The following MCC variants were observed in gnomAD, a reference collection of about 807,000 sequenced individuals.
The protein encoded by MCC is colorectal mutant cancer protein.
MCC carries 90 observed loss-of-function variants against 116.2 expected under a neutral mutation model. That is an observed-to-expected ratio of 0.77 (90% CI 0.65 to 0.92). MCC has a LOEUF of 0.92. Ranked by LOEUF, MCC falls within the 40% of genes least tolerant of loss-of-function variation. The pLI is 0.00. For synonymous variants in MCC, 578 were observed against 510.5 expected (o/e 1.13, Z -1.78); for missense variants, 1,516 against 1,312.2 (o/e 1.16, Z -2.40).
At chr5:113,207,452 T>G (rs144940525) in intron 3 of MCC, among the ~76,000 whole-genome samples, 1 of 13,152 alleles carries the variant, frequency 7.6e-5, no homozygotes, top group Non-Finnish European at 1.5e-4. Flanking sequence ...TCCTCCATCG[T>G]GGAGGGTGGG....
chr5:113,289,732 T>C (rs561541405), intron 3 of MCC, among the ~76,000 whole-genome samples: 7 of 152,224 alleles, frequency 4.6e-5, no homozygotes, highest in Non-Finnish European at 8.8e-5. Flanking sequence ...AAGTAGATCC[T>C]CTTGCTCTAG....
intron 6 of MCC, among the ~76,000 whole-genome samples, chr5:113,121,683 T>TA (rs1360069511): frequency 2.0e-5 from 3 of 152,220 alleles, no homozygotes; most frequent in African/African-American, 7.2e-5. Context: ...AATATTTGAT[T>TA]AAAATCCCTC....
chr5:113,487,175 A>G (rs1219616371), intron 1 of MCC, among the ~76,000 whole-genome samples: 1 of 151,966 alleles, frequency 6.6e-6, no homozygotes, highest in Non-Finnish European at 1.5e-5. Context: ...ATTTTAAGGG[A>G]AAAATTCCGC....
At chr5:113,139,517 T>C (rs1161590489) in intron 5 of MCC, among the ~76,000 whole-genome samples, 2 of 152,132 alleles carry the variant, frequency 1.3e-5, no homozygotes, top group African/African-American at 4.8e-5. Context: ...TCATCATCAC[T>C]GGTCATTAGA....
intron 3 of MCC, among the ~76,000 whole-genome samples, chr5:113,299,231 T>C (rs1766789290): frequency 7.4e-6 from 1 of 135,732 alleles, no homozygotes; most frequent in Admixed American, 8.1e-5. Context: ...GAGGTTGCAG[T>C]GAACCGAGCC....
At chr5:113,401,544 G>A (rs1341529595) in intron 1 of MCC, among the ~76,000 whole-genome samples, 1 of 152,084 alleles carries the variant, frequency 6.6e-6, no homozygotes. Context: ...TCATTTAGCA[G>A]CCTTCTCAGT....
intron 3 of MCC, among the ~76,000 whole-genome samples, chr5:113,329,401 C>G (rs962972873): frequency 6.9e-6 from 1 of 144,286 alleles, no homozygotes; most frequent in Non-Finnish European, 1.5e-5. Flanking sequence ...CACACACACA[C>G]AGAAACATAT....
At chr5:113,478,099 G>A (rs1772281298) in intron 1 of MCC, among the ~76,000 whole-genome samples, 2 of 152,166 alleles carry the variant, frequency 1.3e-5, no homozygotes, top group South Asian at 4.1e-4. Flanking sequence ...CCACTTTTTG[G>A]TGATGACACT....
chr5:113,479,598 C>T (rs348928), intron 1 of MCC, among the ~76,000 whole-genome samples: 104,717 of 152,010 alleles, frequency 0.69, 36,488 homozygotes, highest in East Asian at 0.88. Flanking sequence ...CTAAGTAGGG[C>T]TCTACTTTTT....
chr5:113,029,127 G>C, intron 17 of MCC, 71 bp from the exon 18 acceptor site: 3 of 1,476,280 alleles, frequency 2.0e-6, no homozygotes, highest in South Asian at 1.3e-5. Context: ...TCCCTGGGAA[G>C]TGGTGACAGA....
intron 3 of MCC, among the ~76,000 whole-genome samples, chr5:113,232,348 G>A (rs913202075): frequency 2.0e-5 from 3 of 152,146 alleles, no homozygotes; most frequent in Non-Finnish European, 2.9e-5. Context: ...GGTGAATGAG[G>A]AGTCCAGTTA....
intron 17 of MCC, among the ~76,000 whole-genome samples, chr5:113,029,367 C>A (rs1750799890): frequency 6.7e-6 from 1 of 149,858 alleles, no homozygotes; most frequent in Non-Finnish European, 1.5e-5. Flanking sequence ...ATTGGCATAC[C>A]AGATCCTCAG....
chr5:113,170,274 C>T (rs1394938344), intron 3 of MCC, among the ~76,000 whole-genome samples: 1 of 152,158 alleles, frequency 6.6e-6, no homozygotes, highest in Admixed American at 6.5e-5. Flanking sequence ...CCCTTTACTC[C>T]TTTCACTTTT....
At chr5:113,277,717 A>C (rs953437787) in intron 3 of MCC, among the ~76,000 whole-genome samples, 2 of 152,164 alleles carry the variant, frequency 1.3e-5, no homozygotes, top group Non-Finnish European at 2.9e-5. Context: ...TACAAACAGT[A>C]CCAAATGGTT....
At chr5:113,114,777 C>T (rs1045244698) in intron 6 of MCC, among the ~76,000 whole-genome samples, 3 of 152,162 alleles carry the variant, frequency 2.0e-5, no homozygotes, top group Non-Finnish European at 4.4e-5. Flanking sequence ...GGGAAGATTA[C>T]CTTCCCGTTC....
At chr5:113,220,631 T>C (rs1459505802) in intron 3 of MCC, among the ~76,000 whole-genome samples, 1 of 152,238 alleles carries the variant, frequency 6.6e-6, no homozygotes, top group Non-Finnish European at 1.5e-5. Context: ...ATTACTAGAA[T>C]ACAGAAATAT....
chr5:113,133,637 T>C (rs1446861283), intron 5 of MCC, among the ~76,000 whole-genome samples: 1 of 152,228 alleles, frequency 6.6e-6, no homozygotes, highest in Non-Finnish European at 1.5e-5. Flanking sequence ...TTTGGATATA[T>C]ACCCAGTAAG....
At chr5:113,422,444 TTTAA>T (rs1770367006) in intron 1 of MCC, among the ~76,000 whole-genome samples, 1 of 152,268 alleles carries the variant, frequency 6.6e-6, no homozygotes, top group African/African-American at 2.4e-5. Flanking sequence ...TTTTTGTCTT[TTTAA>T]TTGACTTTAT....
At chr5:113,371,412 T>G (rs1317508742) in intron 2 of MCC, among the ~76,000 whole-genome samples, 1 of 152,208 alleles carries the variant, frequency 6.6e-6, no homozygotes, top group Non-Finnish European at 1.5e-5. Flanking sequence ...TATAATCTTG[T>G]AATTCAAGGG....
Sources: allele counts gnomAD v4.1 joint callset (sites outside exome capture counted in the v4.1 genomes callset), GRCh38; gene constraint gnomAD v4.1.1; transcripts MANE v1.5; gene names NCBI Gene and HGNC (gene_info 2026-07-23, HGNC 2026-07-21).